USP29: variants seen among roughly 807,000 people sequenced by gnomAD.
USP29 encodes ubiquitin specific peptidase 29.
For synonymous variants in USP29, 386 were observed against 387.4 expected, an observed-to-expected ratio of 1.00 and a Z score of 0.04; for missense variants, 1,102 against 1,069.0, an observed-to-expected ratio of 1.03 and a Z score of -0.43.
In USP29 at chr19:57,130,765, C is replaced by T. The variant is rs745759961; in HGVS notation, c.2090C>T (p.Thr697Ile). 2 of 1,614,000 alleles carry T rather than the reference C, an allele frequency of 1.2e-6. No individual in the cohort carries two copies. Among genetic ancestry groups the T allele is most frequent in the East Asian group, 4.5e-5 (2 of 44,892 alleles). ...QHPELQKYEK[T>I]NTFVEFNFDS... ...CCAGAACTTCAGAAGTATGAGAAAA[C>T]CAATACATTCGTAGAGTTCAATTTT... Residue 697 changes from threonine to isoleucine, a missense_variant, in exon 4 of 4, where the codon ACC becomes ATC. Coordinates refer to ENST00000254181, the MANE Select transcript of USP29 (RefSeq NM_020903.3).
chr19:57,129,745 T>C lies in USP29; in HGVS notation c.1070T>C (p.Val357Ala), dbSNP rs753834329. The change falls in exon 4 of 4, where the codon GTC (valine) becomes GCC (alanine). Residue 357 changes from valine to alanine, a missense_variant. Transcript: ENST00000254181. ...KRELLGNVKK[V>A]ISAVAEIFSG... is the part of the protein sequence containing the mutation. ...GAATTACTTGGGAATGTTAAAAAAG[T>C]CATTTCAGCAGTTGCAGAAATATTT... 6.2e-7 allele frequency: 1 copy of C among 1,613,890 alleles called. No individual in the cohort carries two copies. The highest frequency in any genetic ancestry group is 2.2e-5 in the East Asian group (1 of 44,884).
chr19:57,130,333 G>A lies in USP29; in HGVS notation c.1658G>A (p.Ser553Asn). 1 of 1,614,120 alleles carries A rather than the reference G, an allele frequency of 6.2e-7. No individual in the cohort carries two copies. ...ACCAAACCACCTCTTCCCTTGAGCA[G>A]TAGTGCACCTGTTGGGAAATGTGAA... ...ESTKPPLPLS[S>N]SAPVGKCEVL... The change falls in exon 4 of 4, where the codon AGT becomes AAT. Residue 553 changes from serine (S) to asparagine (N), a missense_variant. Coordinates refer to ENST00000254181, the MANE Select transcript of USP29 (RefSeq NM_020903.3).
In USP29 at chr19:57,131,168, T is replaced by C. The variant is rs780595584; in HGVS notation, c.2493T>C (p.His831=). Reference sequence around the variant, plus strand: ...ACAGACTCATCAGTGTTGTCAGCCATATCGGGAGCTCCCCAAATTCAGGCC... The same window carrying C: ...ACAGACTCATCAGTGTTGTCAGCCACATCGGGAGCTCCCCAAATTCAGGCC... ...QAYRLISVVS[H]IGSSPNSGHY... The change falls in exon 4 of 4, where the codon CAT becomes CAC. Residue 831 remains histidine (H), a synonymous_variant. Transcript: ENST00000254181. 2 of 1,614,076 alleles carry C rather than the reference T, an allele frequency of 1.2e-6. No homozygotes were observed. The highest frequency in any genetic ancestry group is 2.7e-5 in the African/African-American group (2 of 74,922).
At chr19:57,125,488 T>C (rs1375677954) in intron 3 of USP29, among the ~76,000 whole-genome samples, 1 of 152,124 alleles carries the variant, frequency 6.6e-6, no homozygotes, top group Non-Finnish European at 1.5e-5. Context: ...TTAGCTATTC[T>C]TGTTGCATTG....
chr19:57,127,205 T>C (rs551056837), intron 3 of USP29, among the ~76,000 whole-genome samples: 1 of 152,330 alleles, frequency 6.6e-6, no homozygotes. Context: ...TCTCAACCCC[T>C]GTTGGGAGTT....
At chr19:57,127,854 C>T (rs77420930) in intron 3 of USP29, among the ~76,000 whole-genome samples, 1 of 152,128 alleles carries the variant, frequency 6.6e-6, no homozygotes, top group Non-Finnish European at 1.5e-5. Flanking sequence ...GCAACTAGCT[C>T]GGTGTCTCCC....
chr19:57,122,239 C>T (rs759012297), intron 1 of USP29, 86 bp from the exon 2 acceptor site: 7 of 152,144 alleles, frequency 4.6e-5, no homozygotes, highest in Admixed American at 2.6e-4. Context: ...CCTGGAAAAA[C>T]CCGTGATATG....
chr19:57,129,924 A>G lies in USP29; in HGVS notation c.1249A>G (p.Thr417Ala). The G allele has an allele frequency of 6.2e-7, 1 of 1,614,188 alleles. No individual in the cohort carries two copies. The highest frequency in any genetic ancestry group is 1.1e-5 in the South Asian group (1 of 91,068). The change falls in exon 4 of 4, where the codon ACC becomes GCC. Residue 417 changes from threonine (T) to alanine (A), a missense_variant. Physicochemically the swap from Thr to Ala is moderately conservative, Grantham distance 58. Coordinates refer to ENST00000254181, the MANE Select transcript of USP29 (RefSeq NM_020903.3). ...ACAAATGCATGTTGGTAGTGCTGCCACCAAAGTGTTTGTTTGCCCTGTTGT... is the reference window on the plus strand; with the variant it reads ...ACAAATGCATGTTGGTAGTGCTGCCGCCAAAGTGTTTGTTTGCCCTGTTGT... ...SPQMHVGSAA[T>A]KVFVCPVVAN... is the part of the protein sequence containing the mutation.
rs1404453738 is a variant in USP29, at chr19:57,130,864, T to C, written c.2189T>C (p.Met730Thr). The change falls in exon 4 of 4, where the codon ATG becomes ACG. Residue 730 changes from methionine (M) to threonine (T), a missense_variant. Met to Thr is a moderately conservative substitution (Grantham distance 81). Coordinates refer to ENST00000254181, the MANE Select transcript of USP29 (RefSeq NM_020903.3). Reference protein sequence around the residue: ...ENRIPEGSQGMAEQLQQCIEE... With the variant: ...ENRIPEGSQGTAEQLQQCIEE... ...AGGATTCCAGAAGGATCTCAAGGAA[T>C]GGCTGAACAGCTCCAGCAGTGTATT... 6.2e-7 allele frequency: 1 copy of C among 1,614,220 alleles called. No homozygotes were observed. The highest frequency in any genetic ancestry group is 1.1e-5 in the South Asian group (1 of 91,084).
chr19:57,131,575 T>C lies in USP29; in HGVS notation c.*131T>C, dbSNP rs2086861748. On this transcript the variant is annotated 3_prime_UTR_variant, in exon 4 of 4. Coordinates refer to ENST00000254181, the MANE Select transcript of USP29 (RefSeq NM_020903.3). The stretch of plus-strand genomic sequence containing the variant: ...ATGAAATCTCAATGAAAAACACTTA[T>C]TTTGGGGGAATATCTATTTTAACTG... The C allele has an allele frequency of 7.1e-7, 1 of 1,408,366 alleles. No individual in the cohort carries two copies. Among genetic ancestry groups the C allele is most frequent in the Non-Finnish European group, 9.5e-7 (1 of 1,052,142 alleles). 87.2% of individuals were successfully genotyped at this position (1,408,366 alleles called of 1,614,324 possible). A position where few individuals can be genotyped will look rare whatever the true frequency, so the allele number is the denominator to read the frequency against.
chr19:57,130,182 C>G lies in USP29; in HGVS notation c.1507C>G (p.Leu503Val). The part of the protein sequence containing the change: ...SCVARHTFSR[L>V]SRVLIIHLKR... ...TGTTGCAAGGCATACATTTAGTAGG[C>G]TCTCCAGGGTCCTTATCATTCATCT... Residue 503 changes from leucine to valine, a missense_variant, in exon 4 of 4, where the codon CTC becomes GTC. Transcript: ENST00000254181. 6.2e-7 allele frequency: 1 copy of G among 1,613,984 alleles called. No homozygotes were observed. The highest frequency in any genetic ancestry group is 1.1e-5 in the South Asian group (1 of 91,052).
Position 57,131,350 on chromosome 19 carries a change from TAAGAA to T in USP29, c.2679_2683del (p.Arg893SerfsTer8). The T allele has an allele frequency of 6.2e-7, 1 of 1,614,116 alleles. No individual in the cohort carries two copies. The highest frequency in any genetic ancestry group is 1.3e-5 in the African/African-American group (1 of 75,020). ...CACAATGGGATTTTTGAGGAGCTGT[TAAGAA>T]AAGCAGAGAACTCTCGGCTACCTAG... On this transcript the variant is annotated frameshift_variant, in exon 4 of 4. Coordinates refer to ENST00000254181, the MANE Select transcript of USP29 (RefSeq NM_020903.3). LOFTEE classifies it low-confidence loss of function (END_TRUNC).
rs904791152 is a variant in USP29 at position 57,130,981 on chromosome 19, A to G, written c.2306A>G (p.Asn769Ser). 1 of 1,614,190 alleles carries G rather than the reference A, an allele frequency of 6.2e-7. No individual in the cohort carries two copies. The highest frequency in any genetic ancestry group is 1.3e-5 in the African/African-American group (1 of 75,052). ...CAGGAACATACAGAAGAGACCCTCA[A>G]TCAGTCTACAGAATTAAGACTTCAA... ...DAQEHTEETL[N>S]QSTELRLQKA... Residue 769 changes from asparagine to serine, a missense_variant, in exon 4 of 4, where the codon AAT becomes AGT. Asn to Ser is a conservative substitution (Grantham distance 46). Coordinates refer to ENST00000254181, the MANE Select transcript of USP29 (RefSeq NM_020903.3).
intron 1 of USP29, among the ~76,000 whole-genome samples, chr19:57,121,145 A>G (rs921807486): frequency 1.3e-5 from 2 of 151,546 alleles, no homozygotes; most frequent in Admixed American, 6.6e-5. Flanking sequence ...ATGCACTGCA[A>G]TAGAAAAATA....
intron 1 of USP29, among the ~76,000 whole-genome samples, chr19:57,120,696 A>C (rs796456210): frequency 1.4e-5 from 2 of 145,238 alleles, no homozygotes; most frequent in African/African-American, 5.1e-5. Flanking sequence ...CTGAGGCAGG[A>C]GAATCACTTG....
In USP29 at chr19:57,128,847, A is replaced by G; in HGVS notation, c.172A>G (p.Arg58Gly). 6.2e-7 allele frequency: 1 copy of G among 1,614,042 alleles called. No homozygotes were observed. Among genetic ancestry groups the G allele is most frequent in the East Asian group, 2.2e-5 (1 of 44,842 alleles). The change falls in exon 4 of 4, where the codon AGA becomes GGA. Residue 58 changes from arginine (R) to glycine (G), a missense_variant. By Grantham distance (125) the Arg-to-Gly change is moderately radical (BLOSUM62 -2). Transcript: ENST00000254181. ...IRIFQLSNNI[R>G]SVVLRHCKKR... Reference sequence around the variant, plus strand: ...AATTTTTCAGCTGAGCAACAACATTAGAAGTGTGGTCCTTAGACATTGTAA... The same window carrying G: ...AATTTTTCAGCTGAGCAACAACATTGGAAGTGTGGTCCTTAGACATTGTAA...
chr19:57,129,779 C>T lies in USP29; in HGVS notation c.1104C>T (p.Asn368=). The T allele has an allele frequency of 6.2e-7, 1 of 1,614,074 alleles. No homozygotes were observed. Among genetic ancestry groups the T allele is most frequent in the Non-Finnish European group, 8.5e-7 (1 of 1,180,026 alleles). ...CAGTTGCAGAAATATTTTCTGGCAA[C>T]ATGCAGAATGATGCTCATGAGTTTT... is the stretch of plus-strand genomic sequence containing the variant. ...ISAVAEIFSG[N]MQNDAHEFLG... is the part of the protein sequence containing the mutation. The change falls in exon 4 of 4, where the codon AAC becomes AAT. Residue 368 remains asparagine (N), a synonymous_variant. Transcript: ENST00000254181.
At position 57,122,513 on chromosome 19, in the gene USP29, ATGTGTGTG is replaced by A. The variant is rs761754087; in HGVS notation, c.-118+75_-118+82del. 9.7e-3 allele frequency: 1,313 copies of A among 135,496 alleles called. 17 individuals are homozygous for A. The highest frequency in any genetic ancestry group is 0.029 in the African/African-American group (1,068 of 36,370). 8.4% of individuals were successfully genotyped at this position (135,496 alleles called of 1,614,324 possible). A position where few individuals can be genotyped will look rare whatever the true frequency, so the allele number is the denominator to read the frequency against. On this transcript the variant is annotated intron_variant, in intron 2 of 3. Coordinates refer to ENST00000254181, the MANE Select transcript of USP29 (RefSeq NM_020903.3). ...AAGGTTTGCTTGTTTGGGTGATGGG[ATGTGTGTG>A]TGTGTGTGTGTGTGTGTGTGTGTGT...
At chr19:57,123,561 G>A (rs1184052757) in intron 2 of USP29, among the ~76,000 whole-genome samples, 3 of 152,092 alleles carry the variant, frequency 2.0e-5, no homozygotes, top group Non-Finnish European at 2.9e-5. Context: ...CGGTGAAGCC[G>A]GGCTTGGAAT....
Sources: gnomAD v4.1 joint callset for allele counts (sites outside exome capture counted in the v4.1 genomes callset) on GRCh38, gnomAD v4.1.1 for gene constraint, MANE v1.5 for transcripts, NCBI Gene and HGNC (gene_info 2026-07-23, HGNC 2026-07-21) for gene names.